The following NKAIN3 variants were observed in gnomAD, a reference collection of about 807,000 sequenced individuals.
The protein encoded by NKAIN3 is sodium/potassium transporting ATPase interacting 3, also known as sodium/potassium-transporting ATPase subunit beta-1-interacting protein 3.
NKAIN3 carries 25 observed loss-of-function variants against 30.2 expected under a neutral mutation model. The ratio of observed to expected loss-of-function variants is 0.83; its 90% CI spans 0.60 to 1.16. The LOEUF is 1.16. Among genes scored for constraint, NKAIN3 ranks in the 50% most tolerant of loss-of-function variants. The pLI, the probability that NKAIN3 is intolerant of heterozygous loss-of-function variation, is 0.00. For synonymous variants in NKAIN3, 91 were observed against 89.6 expected (o/e 1.02, Z -0.09); for missense variants, 225 against 254.1 (o/e 0.89, Z 0.78).
chr8:62,797,421 A>G (rs1169934488), intron 4 of NKAIN3, among the ~76,000 whole-genome samples: 1 of 152,220 alleles, frequency 6.6e-6, no homozygotes, highest in East Asian at 1.9e-4. Context: ...GATGATGAGC[A>G]GTTAAAATAA....
At chr8:62,261,059 G>T (rs1322184922) in intron 1 of NKAIN3, among the ~76,000 whole-genome samples, 2 of 152,072 alleles carry the variant, frequency 1.3e-5, no homozygotes, top group Non-Finnish European at 2.9e-5. Context: ...CAGGCCAGTT[G>T]TTAAATTATT....
chr8:62,548,473 G>A (rs370752804), intron 1 of NKAIN3, among the ~76,000 whole-genome samples: 1 of 152,048 alleles, frequency 6.6e-6, no homozygotes, highest in African/African-American at 2.4e-5. Flanking sequence ...CCCTGTGTCG[G>A]GGGTCATTAC....
chr8:62,583,483 G>A (rs1318001709), intron 2 of NKAIN3, among the ~76,000 whole-genome samples: 1 of 152,182 alleles, frequency 6.6e-6, no homozygotes, highest in Non-Finnish European at 1.5e-5. Context: ...ACAAATTTGT[G>A]TGAAAGCTGT....
In NKAIN3 at chr8:62,662,018, A is replaced by T. The variant is rs144154030; in HGVS notation, c.273+72224A>T. 2.1e-3 allele frequency among the ~76,000 whole-genome samples: 313 copies of T among 152,070 alleles called. 1 individual carries two copies. Among genetic ancestry groups the T allele is most frequent in the Non-Finnish European group, 3.4e-3 (229 of 67,974 alleles). On this transcript the variant is annotated intron_variant, in intron 3 of 6. Transcript: ENST00000623646. ...TTTCACCCACCAAGGTCACTATGTG[A>T]CTCTGAGAGGCTTGTCCATCAGCCC...
intron 5 of NKAIN3, among the ~76,000 whole-genome samples, chr8:62,939,044 G>A (rs1034071770): frequency 6.6e-6 from 1 of 152,058 alleles, no homozygotes; most frequent in African/African-American, 2.4e-5. Context: ...GAAATAGAAA[G>A]CACAAATTTT....
chr8:62,680,927 G>A (rs968865415), intron 3 of NKAIN3, among the ~76,000 whole-genome samples: 5 of 152,144 alleles, frequency 3.3e-5, no homozygotes, highest in Admixed American at 6.5e-5. Context: ...AGTGAATCGA[G>A]CAACCTCATA....
At chr8:62,316,206 T>A (rs1170169849) in intron 1 of NKAIN3, among the ~76,000 whole-genome samples, 1 of 152,102 alleles carries the variant, frequency 6.6e-6, no homozygotes, top group Non-Finnish European at 1.5e-5. Flanking sequence ...AGTTACCAAG[T>A]CTCGGGTATG....
intron 3 of NKAIN3, among the ~76,000 whole-genome samples, chr8:62,701,459 C>T (rs1395666972): frequency 6.6e-6 from 1 of 152,098 alleles, no homozygotes; most frequent in Non-Finnish European, 1.5e-5. Flanking sequence ...CTTAAAATGA[C>T]CAGACAGCTG....
intron 1 of NKAIN3, among the ~76,000 whole-genome samples, chr8:62,345,721 A>T (rs919039790): frequency 6.6e-6 from 1 of 151,876 alleles, no homozygotes; most frequent in Non-Finnish European, 1.5e-5. Flanking sequence ...AAACAGGGAC[A>T]GCTTGACTTC....
chr8:62,570,469 T>C (rs1214306731), intron 1 of NKAIN3, among the ~76,000 whole-genome samples: 1 of 152,118 alleles, frequency 6.6e-6, no homozygotes, highest in Non-Finnish European at 1.5e-5. Context: ...TCCACGTGGT[T>C]GGGAGGCCTC....
At chr8:62,293,940 A>G (rs1357718692) in intron 1 of NKAIN3, among the ~76,000 whole-genome samples, 1 of 152,092 alleles carries the variant, frequency 6.6e-6, no homozygotes, top group East Asian at 1.9e-4. Flanking sequence ...GCAATGGCAG[A>G]CACCCCTCCC....
intron 4 of NKAIN3, among the ~76,000 whole-genome samples, chr8:62,850,461 T>C (rs1819857665): frequency 6.6e-6 from 1 of 152,066 alleles, no homozygotes; most frequent in South Asian, 2.1e-4. Context: ...TTAGTTTAAT[T>C]AGATCCCATT....
chr8:62,496,153 T>A (rs914570091), intron 1 of NKAIN3, among the ~76,000 whole-genome samples: 1 of 152,172 alleles, frequency 6.6e-6, no homozygotes, highest in African/African-American at 2.4e-5. Context: ...CAGTCTTTAA[T>A]AATGTGCTTA....
intron 1 of NKAIN3, among the ~76,000 whole-genome samples, chr8:62,467,407 C>G (rs746932009): frequency 6.6e-6 from 1 of 152,178 alleles, no homozygotes; most frequent in African/African-American, 2.4e-5. Flanking sequence ...CCTGTAAAGT[C>G]CTATAGCTAA....
At chr8:62,598,136 A>G (rs1050337889) in intron 3 of NKAIN3, among the ~76,000 whole-genome samples, 1 of 152,096 alleles carries the variant, frequency 6.6e-6, no homozygotes, top group African/African-American at 2.4e-5. Context: ...TCCATGACCA[A>G]GAAGTATAAG....
intron 1 of NKAIN3, among the ~76,000 whole-genome samples, chr8:62,421,336 T>G (rs1253582210): frequency 6.6e-6 from 1 of 152,134 alleles, no homozygotes; most frequent in East Asian, 1.9e-4. Context: ...GAGCAAAATG[T>G]CTTTCAAGAA....
At chr8:62,880,210 G>A (rs756171311) in intron 4 of NKAIN3, among the ~76,000 whole-genome samples, 3 of 152,134 alleles carry the variant, frequency 2.0e-5, no homozygotes, top group African/African-American at 4.8e-5. Flanking sequence ...GAAAAACTTG[G>A]CCAAGGAAAC....
chr8:62,542,462 A>C (rs964161177), intron 1 of NKAIN3, among the ~76,000 whole-genome samples: 1 of 152,200 alleles, frequency 6.6e-6, no homozygotes, highest in African/African-American at 2.4e-5. Context: ...CAGATTAATC[A>C]ACATATAAGA....
Position 62,976,256 on chromosome 8 carries a change from G to C in NKAIN3, c.*10849G>C, listed in dbSNP as rs375855274. On this transcript the variant is annotated 3_prime_UTR_variant, in exon 7 of 7. Transcript: ENST00000623646. ...AATATCCTTGTTAATTTTCTATCTC[G>C]GTGATCTGTCTAATACACACAATGG... 6.6e-6 allele frequency among the ~76,000 whole-genome samples: 1 copy of C among 151,806 alleles called. No individual in the cohort carries two copies. The highest frequency in any genetic ancestry group is 2.4e-5 in the African/African-American group (1 of 41,340).
Sources: allele counts gnomAD v4.1 joint callset (sites outside exome capture counted in the v4.1 genomes callset), GRCh38; gene constraint gnomAD v4.1.1; transcripts MANE v1.5; gene names NCBI Gene and HGNC (gene_info 2026-07-23, HGNC 2026-07-21).